Variants in PIBF1 observed in about 807,000 individuals in gnomAD.
The protein encoded by PIBF1 is progesterone-induced-blocking factor 1.
Under a neutral mutation model 112.5 loss-of-function variants are expected in PIBF1, and 90 were observed. The ratio of observed to expected loss-of-function variants is 0.80; its 90% confidence interval spans 0.67 to 0.95. The LOEUF (loss-of-function observed/expected upper bound fraction) is 0.95, where lower values mean the gene tolerates loss of function less well. Ranked by LOEUF, PIBF1 falls within the 40% of genes least tolerant of loss-of-function variation. The pLI is 0.00. For missense variants in PIBF1, 915 were observed against 852.3 expected (o/e 1.07, Z -0.92); for synonymous variants, 301 against 288.6 (o/e 1.04, Z -0.44).
intron 14 of PIBF1, among the ~76,000 whole-genome samples, chr13:72,956,635 C>A (rs1015943365): frequency 6.6e-6 from 1 of 152,190 alleles, no homozygotes; most frequent in Non-Finnish European, 1.5e-5. Flanking sequence ...CCCTGGCTCT[C>A]GTCCTGTAAC....
At chr13:72,830,018 G>A (rs2037024590) in intron 8 of PIBF1, among the ~76,000 whole-genome samples, 1 of 152,152 alleles carries the variant, frequency 6.6e-6, no homozygotes, top group South Asian at 2.1e-4. Context: ...TATATTCCTA[G>A]ATATTTTATT....
At position 72,835,255 on chromosome 13, in the gene PIBF1, A is replaced by G. The variant is rs2037303910; in HGVS notation, c.1110A>G (p.Lys370=). 4 of 1,570,098 alleles carry G rather than the reference A, an allele frequency of 2.5e-6. No individual in the cohort carries two copies. The highest frequency in any genetic ancestry group is 3.4e-6 in the Non-Finnish European group (4 of 1,165,172). ...TCACTCCTTGCAGAGACCATTATAA[A>G]ACAGAATATGAAAATAAACTACATG... is the stretch of plus-strand genomic sequence containing the variant. ...EKYVASRDHY[K]TEYENKLHDE... Residue 370 remains lysine (K), a synonymous_variant, in exon 9 of 18, where the codon AAA becomes AAG. Coordinates refer to ENST00000326291, the MANE Select transcript of PIBF1 (RefSeq NM_006346.4).
intron 10 of PIBF1, among the ~76,000 whole-genome samples, chr13:72,891,640 A>T (rs1594134214): frequency 2.0e-5 from 3 of 152,108 alleles, no homozygotes; most frequent in Admixed American, 2.0e-4. Flanking sequence ...CTGTTGGAAA[A>T]AAGTTGGGCA....
intron 11 of PIBF1, among the ~76,000 whole-genome samples, chr13:72,899,993 A>T (rs184920465): frequency 7.2e-5 from 11 of 152,198 alleles, no homozygotes; most frequent in African/African-American, 2.6e-4. Flanking sequence ...CAAGAACTCA[A>T]CCCCTTTTAC....
intron 5 of PIBF1, among the ~76,000 whole-genome samples, chr13:72,811,894 C>G (rs1349896489): frequency 6.6e-6 from 1 of 152,072 alleles, no homozygotes; most frequent in Non-Finnish European, 1.5e-5. Flanking sequence ...TTAAGTACGA[C>G]ATAATTGGGA....
chr13:72,973,764 A>G, intron 16 of PIBF1, 89 bp downstream of exon 16: 1 of 689,188 alleles, frequency 1.5e-6, no homozygotes, highest in African/African-American at 1.9e-5. Context: ...CCAGTTGTGC[A>G]TGTTCATTAA....
At chr13:72,944,682 CAT>C (rs2042102899) in intron 14 of PIBF1, among the ~76,000 whole-genome samples, 1 of 151,982 alleles carries the variant, frequency 6.6e-6, no homozygotes, top group Non-Finnish European at 1.5e-5. Flanking sequence ...ATGATCAAAA[CAT>C]AAACAGTGAA....
intron 5 of PIBF1, among the ~76,000 whole-genome samples, chr13:72,808,536 A>G (rs953104679): frequency 9.9e-5 from 15 of 152,184 alleles, no homozygotes; most frequent in African/African-American, 2.9e-4. Flanking sequence ...GCAGGAAATT[A>G]CTTGGTTGTA....
At chr13:72,944,094 T>A (rs2042083986) in intron 14 of PIBF1, among the ~76,000 whole-genome samples, 1 of 152,038 alleles carries the variant, frequency 6.6e-6, no homozygotes, top group Non-Finnish European at 1.5e-5. Flanking sequence ...AATCTGGCAA[T>A]TTTTAAAGGA....
intron 11 of PIBF1, among the ~76,000 whole-genome samples, chr13:72,907,832 C>T (rs1178536555): frequency 6.6e-6 from 1 of 151,832 alleles, no homozygotes; most frequent in African/African-American, 2.4e-5. Flanking sequence ...TCACTAGAGG[C>T]ATCTCTTTTT....
chr13:72,929,712 T>TATA (rs1220446730), intron 13 of PIBF1, among the ~76,000 whole-genome samples: 1 of 152,182 alleles, frequency 6.6e-6, no homozygotes, highest in Non-Finnish European at 1.5e-5. Context: ...GAGGACTGTA[T>TATA]GCTTTTTCCA....
chr13:72,919,933 A>G (rs1488114604), intron 13 of PIBF1, among the ~76,000 whole-genome samples: 1 of 152,142 alleles, frequency 6.6e-6, no homozygotes, highest in African/African-American at 2.4e-5. Flanking sequence ...GTGATTGTCC[A>G]CTTACTCTTC....
At chr13:72,972,594 G>T (rs543271251) in intron 15 of PIBF1, among the ~76,000 whole-genome samples, 19 of 151,832 alleles carry the variant, frequency 1.3e-4, no homozygotes, top group African/African-American at 3.9e-4. Flanking sequence ...AACCCAGGAG[G>T]CAGAGGTTGC....
intron 13 of PIBF1, among the ~76,000 whole-genome samples, chr13:72,927,251 A>C (rs1336188741): frequency 6.6e-6 from 1 of 152,048 alleles, no homozygotes; most frequent in African/African-American, 2.4e-5. Flanking sequence ...CACGCCTGTA[A>C]TCCCAGCACT....
At chr13:72,897,997 C>T (rs2040345634) in intron 11 of PIBF1, among the ~76,000 whole-genome samples, 1 of 152,118 alleles carries the variant, frequency 6.6e-6, no homozygotes, top group African/African-American at 2.4e-5. Flanking sequence ...CATCGAACAA[C>T]TGCAGAATAC....
At chr13:72,915,371 A>T (rs1179599915) in intron 12 of PIBF1, among the ~76,000 whole-genome samples, 2 of 152,168 alleles carry the variant, frequency 1.3e-5, no homozygotes, top group African/African-American at 4.8e-5. Flanking sequence ...AGATCTCTTT[A>T]ATAGCATTGT....
At chr13:72,874,958 G>A (rs1231857586) in intron 10 of PIBF1, among the ~76,000 whole-genome samples, 1 of 152,020 alleles carries the variant, frequency 6.6e-6, no homozygotes, top group Non-Finnish European at 1.5e-5. Context: ...GTTTTCATTA[G>A]GGTTCACTCT....
chr13:72,912,753 A>G (rs2040934549), intron 12 of PIBF1, among the ~76,000 whole-genome samples: 1 of 152,178 alleles, frequency 6.6e-6, no homozygotes, highest in African/African-American at 2.4e-5. Flanking sequence ...TTATACATTC[A>G]TGTAGTAGAA....
intron 5 of PIBF1, among the ~76,000 whole-genome samples, chr13:72,808,573 G>A (rs1443558495): frequency 1.3e-5 from 2 of 152,154 alleles, no homozygotes; most frequent in Admixed American, 1.3e-4. Flanking sequence ...TGTCTATTGG[G>A]CAGGTGTTCA....
Sources: allele counts gnomAD v4.1 joint callset (sites outside exome capture counted in the v4.1 genomes callset), GRCh38; gene constraint gnomAD v4.1.1; transcripts MANE v1.5; gene names NCBI Gene and HGNC (gene_info 2026-07-23, HGNC 2026-07-21).